The following LYPD6B variants were observed in gnomAD, a reference collection of about 807,000 sequenced individuals.
LYPD6B encodes ly6/PLAUR domain-containing protein 6B.
Under a neutral mutation model 22.8 loss-of-function variants are expected in LYPD6B, and 17 were observed. That is an observed-to-expected ratio of 0.75 (90% CI 0.51 to 1.12). The LOEUF is 1.12. LYPD6B is among the 50% of genes most tolerant of loss of function. LYPD6B has a pLI of 0.00. For synonymous variants in LYPD6B, 106 were observed against 91.6 expected (o/e 1.16, Z -0.90); for missense variants, 221 against 258.3 (o/e 0.86, Z 0.99).
rs781044138 is a variant in LYPD6B, at chr2:149,214,548, G to A, written c.462G>A (p.Glu154=). Residue 154 remains glutamate (E), a splice_region_variant and synonymous_variant, in exon 7 of 7, where the codon GAG becomes GAA. Coordinates refer to ENST00000409642, the MANE Select transcript of LYPD6B (RefSeq NM_177964.5). ...CHHSRDSEHT[E]CRSCCEGMIC... The stretch of plus-strand genomic sequence containing the variant: ...TCCTCTCTCCTTTTTTGTAACAGGA[G>A]TGTAGGTCTTGCTGTGAAGGAATGA... 6.8e-6 allele frequency: 11 copies of A among 1,613,626 alleles called. No individual in the cohort carries two copies. In the South Asian group the frequency reaches 1.2e-4, roughly 18 times the overall value.
chr2:149,107,642 A>G (rs1686543838), intron 1 of LYPD6B, among the ~76,000 whole-genome samples: 1 of 152,142 alleles, frequency 6.6e-6, no homozygotes, highest in Non-Finnish European at 1.5e-5. Flanking sequence ...GTTTATGTAG[A>G]TGTGTTGCTT....
chr2:149,059,219 T>A (rs1167245413), intron 1 of LYPD6B, among the ~76,000 whole-genome samples: 2 of 152,244 alleles, frequency 1.3e-5, no homozygotes, highest in African/African-American at 4.8e-5. Context: ...ATCAAGTCCC[T>A]ACCTCTCTGT....
Position 149,214,677 on chromosome 2 carries a change from G to T in LYPD6B, c.591G>T (p.Val197=), listed in dbSNP as rs548819688. Residue 197 remains valine, a synonymous_variant, in exon 7 of 7, where the codon GTG becomes GTT. Coordinates refer to ENST00000409642, the MANE Select transcript of LYPD6B (RefSeq NM_177964.5). ...GTGCCCCCACACTCTACCTACCAGTGCTTGCCTGGGTCTTTGTGCTTCCAT... is the reference window on the plus strand; with the variant it reads ...GTGCCCCCACACTCTACCTACCAGTTCTTGCCTGGGTCTTTGTGCTTCCAT... ...GSSAPTLYLP[V]LAWVFVLPLL is the part of the protein sequence containing the mutation. 13 of 1,613,996 alleles carry T rather than the reference G, an allele frequency of 8.1e-6. No homozygotes were observed. The South Asian group carries it at 1.3e-4, about 16-fold the overall frequency.
intron 2 of LYPD6B, among the ~76,000 whole-genome samples, chr2:149,136,273 T>C (rs2105739026): frequency 6.6e-6 from 1 of 152,352 alleles, no homozygotes. Flanking sequence ...GCTAAGTGCC[T>C]GAAAGTATTT....
At chr2:149,122,579 C>T (rs1023790661) in intron 1 of LYPD6B, among the ~76,000 whole-genome samples, 6 of 134,746 alleles carry the variant, frequency 4.5e-5, no homozygotes, top group African/African-American at 1.6e-4. Context: ...CTCCCCCCAC[C>T]CCATGACAGG....
At chr2:149,197,052 A>G (rs939188444) in intron 3 of LYPD6B, among the ~76,000 whole-genome samples, 5 of 152,202 alleles carry the variant, frequency 3.3e-5, no homozygotes, top group African/African-American at 9.7e-5. Context: ...AATGAGTTCA[A>G]TAAAGAGAGC....
At position 149,143,450 on chromosome 2, in the gene LYPD6B, A is replaced by T. The variant is rs1425103191; in HGVS notation, c.5+12497A>T. On this transcript the variant is annotated intron_variant, in intron 2 of 6. Coordinates refer to ENST00000409642, the MANE Select transcript of LYPD6B (RefSeq NM_177964.5). ...TGAGAGAAAACTACAAGACTACGCC[A>T]TGTTTTTACTATACCGTTTGAAAAG... 6.7e-5 allele frequency among the ~76,000 whole-genome samples: 10 copies of T among 150,002 alleles called. No homozygotes were observed. In the Admixed American group the frequency reaches 6.7e-4, roughly 10 times the overall value.
At chr2:149,092,329 C>G (rs2105445684) in intron 1 of LYPD6B, among the ~76,000 whole-genome samples, 1 of 152,162 alleles carries the variant, frequency 6.6e-6, no homozygotes, top group South Asian at 2.1e-4. Context: ...GCTGAGTAGG[C>G]TCTGTGAATG....
At chr2:149,132,318 T>C (rs536282110) in intron 2 of LYPD6B, among the ~76,000 whole-genome samples, 2 of 150,342 alleles carry the variant, frequency 1.3e-5, no homozygotes, top group Non-Finnish European at 3.0e-5. Context: ...AGGGTTCATG[T>C]AGAAATGGAC....
At chr2:149,132,827 A>G (rs1368411408) in intron 2 of LYPD6B, among the ~76,000 whole-genome samples, 1 of 152,152 alleles carries the variant, frequency 6.6e-6, no homozygotes, top group African/African-American at 2.4e-5. Flanking sequence ...TGAGACTTAG[A>G]TTGTTTCAAA....
At chr2:149,187,307 A>G in intron 3 of LYPD6B, 2 of 1,056,582 alleles carry the variant, frequency 1.9e-6, no homozygotes, top group African/African-American at 1.7e-5. Flanking sequence ...TGAATAATGC[A>G]CTAAATGAAG....
chr2:149,052,930 A>G lies in LYPD6B; in HGVS notation c.-67+14129A>G, dbSNP rs373291458. Among the ~76,000 whole-genome samples, 35 of 152,324 alleles carry G rather than the reference A, an allele frequency of 2.3e-4. No homozygotes were observed. In the East Asian group the frequency reaches 4.4e-3, roughly 19 times the overall value. ...CATTCTTCTCTATTGGCTTGTTTCAATGGAGGCTTCTGCCTTGATGGAAAT... is the reference window on the plus strand; with the variant it reads ...CATTCTTCTCTATTGGCTTGTTTCAGTGGAGGCTTCTGCCTTGATGGAAAT... On this transcript the variant is annotated intron_variant, in intron 1 of 6. Coordinates refer to ENST00000409642, the MANE Select transcript of LYPD6B (RefSeq NM_177964.5).
chr2:149,213,528 T>C (rs1694005552), intron 6 of LYPD6B, among the ~76,000 whole-genome samples: 1 of 152,242 alleles, frequency 6.6e-6, no homozygotes. Context: ...TTTAGATCAA[T>C]TGATGGCTTT....
At chr2:149,148,124 A>G (rs547541985) in intron 2 of LYPD6B, among the ~76,000 whole-genome samples, 1 of 152,312 alleles carries the variant, frequency 6.6e-6, no homozygotes, top group East Asian at 1.9e-4. Flanking sequence ...CTCCTGTTCT[A>G]TGGAATGCCC....
At chr2:149,079,711 T>C (rs756497269) in intron 1 of LYPD6B, among the ~76,000 whole-genome samples, 5 of 152,138 alleles carry the variant, frequency 3.3e-5, no homozygotes, top group Non-Finnish European at 7.4e-5. Context: ...TACAAGTCTA[T>C]GGGGGAAGGT....
At chr2:149,049,381 A>G (rs1574872003) in intron 1 of LYPD6B, among the ~76,000 whole-genome samples, 1 of 152,350 alleles carries the variant, frequency 6.6e-6, no homozygotes, top group Non-Finnish European at 1.5e-5. Flanking sequence ...ACATGCTCTC[A>G]TACACGTGAC....
intron 1 of LYPD6B, among the ~76,000 whole-genome samples, chr2:149,115,955 G>A (rs984224892): frequency 7.2e-5 from 11 of 152,248 alleles, no homozygotes; most frequent in African/African-American, 4.8e-5. Context: ...CTTTATATGC[G>A]ACCTGCCTGT....
chr2:149,079,674 A>C (rs904892369), intron 1 of LYPD6B, among the ~76,000 whole-genome samples: 2 of 152,162 alleles, frequency 1.3e-5, no homozygotes, highest in Non-Finnish European at 2.9e-5. Flanking sequence ...AGGCGTTTGA[A>C]GAATAATTCA....
At chr2:149,208,456 T>G (rs750812946) in intron 5 of LYPD6B, 44 bp downstream of exon 5, 22 of 1,416,312 alleles carry the variant, frequency 1.6e-5, no homozygotes, top group Non-Finnish European at 2.2e-5. Flanking sequence ...CTCATTTCAT[T>G]TGAATCTCTC....
Sources: gnomAD v4.1 joint callset for allele counts (sites outside exome capture counted in the v4.1 genomes callset) on GRCh38, gnomAD v4.1.1 for gene constraint, MANE v1.5 for transcripts, NCBI Gene and HGNC (gene_info 2026-07-23, HGNC 2026-07-21) for gene names.